The following PCDHGB7 variants were observed in gnomAD, a reference collection of about 807,000 sequenced individuals.
PCDHGB7 encodes the protein protocadherin gamma subfamily B, 7, also known as protocadherin gamma-B7.
A neutral mutation model predicts 61.4 loss-of-function variants in PCDHGB7; 37 were observed. That is an observed-to-expected ratio of 0.60 (90% CI 0.46 to 0.79). PCDHGB7 has a LOEUF of 0.79. PCDHGB7 is among the 30% of genes least tolerant of loss of function. PCDHGB7 has a pLI of 0.00. For synonymous variants in PCDHGB7, 464 were observed against 503.5 expected (o/e 0.92, Z 1.05); for missense variants, 1,166 against 1,202.5 (o/e 0.97, Z 0.45).
intron 1 of PCDHGB7, among the ~76,000 whole-genome samples, chr5:141,492,586 G>C (rs1451055991): frequency 6.6e-6 from 1 of 152,220 alleles, no homozygotes; most frequent in Admixed American, 6.5e-5. Context: ...GGGGCCAGGA[G>C]CGCTGGAGCG....
rs1259021130 is a variant in PCDHGB7 at position 141,485,083 on chromosome 5, G to C, written c.2416-9724G>C. ...GCGCCAGAGCTGGCGCGGGGAAAGG[G>C]AGATAGGTGTCTCCAGCTGCTGTGG... On this transcript the variant is annotated intron_variant, in intron 1 of 3. Coordinates refer to ENST00000398594, the MANE Select transcript of PCDHGB7 (RefSeq NM_018927.4). The surrounding 1 kb of genome is among the most constrained non-coding windows in gnomAD (Gnocchi z 5.7). The C allele has an allele frequency of 1.0e-6, 1 of 989,386 alleles. No homozygotes were observed. The highest frequency in any genetic ancestry group is 1.6e-5 in the African/African-American group (1 of 61,992). 61.3% of individuals were successfully genotyped at this position (989,386 alleles called of 1,614,324 possible).
chr5:141,497,125 G>A (rs968031174), intron 2 of PCDHGB7, among the ~76,000 whole-genome samples: 1 of 152,094 alleles, frequency 6.6e-6, no homozygotes, highest in South Asian at 2.1e-4. Context: ...GGCAGAGGTT[G>A]CAGTGAGCTG....
At position 141,432,143 on chromosome 5, in the gene PCDHGB7, C is replaced by A; in HGVS notation, c.2415+11869C>A. The A allele has an allele frequency of 6.2e-7, 1 of 1,614,084 alleles. No homozygotes were observed. Among genetic ancestry groups the A allele is most frequent in the South Asian group, 1.1e-5 (1 of 91,068 alleles). On this transcript the variant is annotated intron_variant, in intron 1 of 3. Transcript: ENST00000398594. The surrounding 1 kb of genome is among the most constrained non-coding windows in gnomAD (Gnocchi z 6.0). ...TCAGGCCTCCTATTCCGCTTATATC[C>A]CAGAGAACAATCCCAGAGGAGTTTC... is the stretch of plus-strand genomic sequence containing the variant.
Position 141,431,663 on chromosome 5 carries a change from T to G in PCDHGB7, c.2415+11389T>G, listed in dbSNP as rs2097405149. ...ACTAGATTGTAATTCAGGGACAATA[T>G]CAACAATAGGGGAGTTGGACCACGA... On this transcript the variant is annotated intron_variant, in intron 1 of 3. Coordinates refer to ENST00000398594, the MANE Select transcript of PCDHGB7 (RefSeq NM_018927.4). The surrounding 1 kb of genome is among the most constrained non-coding windows in gnomAD (Gnocchi z 4.8). The G allele has an allele frequency of 6.2e-7, 1 of 1,614,168 alleles. No individual in the cohort carries two copies.
chr5:141,427,652 G>T, intron 1 of PCDHGB7: 1 of 721,166 alleles, frequency 1.4e-6, no homozygotes, highest in Non-Finnish European at 2.5e-6. Flanking sequence ...TCTCCTACGT[G>T]GTCCACGTGG....
chr5:141,427,743 T>A, intron 1 of PCDHGB7: 5 of 1,249,166 alleles, frequency 4.0e-6, no homozygotes, highest in Non-Finnish European at 5.8e-6. Context: ...CCAAGTCTCC[T>A]ACTCCATCGT....
chr5:141,455,860 ATTAT>A (rs145569377), intron 1 of PCDHGB7, among the ~76,000 whole-genome samples: 54,169 of 139,612 alleles, frequency 0.39, 10,686 homozygotes, highest in Admixed American at 0.44. Context: ...AATTTCTTTT[ATTAT>A]TTATTTATTT....
intron 1 of PCDHGB7, among the ~76,000 whole-genome samples, chr5:141,494,218 T>C (rs1224329242): frequency 1.3e-5 from 2 of 152,222 alleles, no homozygotes; most frequent in South Asian, 2.1e-4. Context: ...CAATCTGGCA[T>C]GACTCCTAAA....
rs1376914747 is a variant in PCDHGB7, at chr5:141,432,008, A to T, written c.2415+11734A>T. On this transcript the variant is annotated intron_variant, in intron 1 of 3. Coordinates refer to ENST00000398594, the MANE Select transcript of PCDHGB7 (RefSeq NM_018927.4). This position sits in a 1 kb window ranked among gnomAD's most constrained non-coding sequence, Gnocchi z 6.0. ...AGTCTTGGATAGGGAACAGGTTCCT[A>T]GCTACAACATCACAGTGACCGCCAC... 1 of 1,614,200 alleles carries T rather than the reference A, an allele frequency of 6.2e-7. No homozygotes were observed. The highest frequency in any genetic ancestry group is 2.2e-5 in the East Asian group (1 of 44,888).
At chr5:141,442,005 C>G (rs1037210381) in intron 1 of PCDHGB7, 1 of 229,014 alleles carries the variant, frequency 4.4e-6, no homozygotes. Flanking sequence ...GCTGACAGCT[C>G]GCACGATGGG....
intron 1 of PCDHGB7, among the ~76,000 whole-genome samples, chr5:141,439,224 T>C (rs989512996): frequency 2.2e-4 from 33 of 152,030 alleles, no homozygotes; most frequent in Middle Eastern, 3.4e-3. Context: ...TGAAAATTCT[T>C]AGAAGCTTCC....
Position 141,489,784 on chromosome 5 carries a change from G to A in PCDHGB7, c.2416-5023G>A. 1 of 1,614,218 alleles carries A rather than the reference G, an allele frequency of 6.2e-7. No individual in the cohort carries two copies. Among genetic ancestry groups the A allele is most frequent in the Non-Finnish European group, 8.5e-7 (1 of 1,180,010 alleles). On this transcript the variant is annotated intron_variant, in intron 1 of 3. Transcript: ENST00000398594. This position sits in a 1 kb window ranked among gnomAD's most constrained non-coding sequence, Gnocchi z 4.5. ...CCCCAACAGCCACTTCTCTCTGAAT[G>A]TGAAGACCCTAAAAGATGGGAAGCC...
chr5:141,477,553 A>T lies in PCDHGB7; in HGVS notation c.2416-17254A>T, dbSNP rs1478806410. 6.2e-7 allele frequency: 1 copy of T among 1,614,090 alleles called. No homozygotes were observed. Among genetic ancestry groups the T allele is most frequent in the Admixed American group, 1.7e-5 (1 of 60,028 alleles). On this transcript the variant is annotated intron_variant, in intron 1 of 3. Coordinates refer to ENST00000398594, the MANE Select transcript of PCDHGB7 (RefSeq NM_018927.4). The surrounding 1 kb of genome is among the most constrained non-coding windows in gnomAD (Gnocchi z 4.9). ...TCCCCGGGGCTCCAATACTAAACCT[A>T]AGTGTCTGGGACCCCGACGCCCCGC...
intron 1 of PCDHGB7, chr5:141,433,087 A>G (rs769187557): frequency 6.2e-7 from 1 of 1,614,206 alleles, no homozygotes. Context: ...CCAACTATGC[A>G]GACATGCTCG....
At position 141,450,754 on chromosome 5, in the gene PCDHGB7, C is replaced by T. The variant is rs192088793; in HGVS notation, c.2415+30480C>T. Among the ~76,000 whole-genome samples, 54 of 151,098 alleles carry T rather than the reference C, an allele frequency of 3.6e-4. 1 individual carries two copies. Among genetic ancestry groups the T allele is most frequent in the African/African-American group, 1.1e-3 (47 of 41,192 alleles). ...CGCCCGCCTTGGCCTCCCAAAGTGC[C>T]GGGATTACAGGCATGAGCCACCGTG... On this transcript the variant is annotated intron_variant, in intron 1 of 3. Transcript: ENST00000398594.
At chr5:141,502,552 T>C (rs1217408446) in intron 2 of PCDHGB7, among the ~76,000 whole-genome samples, 1 of 152,146 alleles carries the variant, frequency 6.6e-6, no homozygotes, top group Non-Finnish European at 1.5e-5. Context: ...AAAAACAGTG[T>C]CCCAGATCTC....
chr5:141,492,942 G>A (rs897160295), intron 1 of PCDHGB7, among the ~76,000 whole-genome samples: 3 of 152,220 alleles, frequency 2.0e-5, no homozygotes, highest in African/African-American at 7.2e-5. Context: ...GAGATTTGGA[G>A]GTGACCAAAC....
At chr5:141,447,023 G>GT (rs5871773) in intron 1 of PCDHGB7, among the ~76,000 whole-genome samples, 28,105 of 151,474 alleles carry the variant, frequency 0.19, 2,731 homozygotes, top group African/African-American at 0.24. Context: ...GTTTTGTTTT[G>GT]TTTTTTTTCT....
intron 1 of PCDHGB7, among the ~76,000 whole-genome samples, chr5:141,459,324 T>G (rs2098966238): frequency 6.6e-6 from 1 of 152,226 alleles, no homozygotes; most frequent in African/African-American, 2.4e-5. Flanking sequence ...ATCCATCTTC[T>G]TTTACTCCAA....
Sources: gnomAD v4.1 joint callset for allele counts (sites outside exome capture counted in the v4.1 genomes callset) on GRCh38, gnomAD v4.1.1 for gene constraint, Gnocchi (gnomAD v3.1) non-coding constraint, MANE v1.5 for transcripts, NCBI Gene and HGNC (gene_info 2026-07-23, HGNC 2026-07-21) for gene names.